Variants in PGAP4 observed in about 807,000 individuals in gnomAD.
PGAP4 encodes the protein post-GPI attachment to proteins GalNAc transferase 4.
In PGAP4, 12 loss-of-function variants were observed where a neutral mutation model predicts 28.2. The observed-to-expected ratio is 0.42, with a 90% CI of 0.27 to 0.69. The LOEUF (loss-of-function observed/expected upper bound fraction) is 0.69, where lower values mean the gene tolerates loss of function less well. PGAP4 is among the 30% of genes least tolerant of loss of function. The pLI is 0.22. For missense variants in PGAP4, 425 were observed against 513.5 expected (o/e 0.83, Z 1.67); for synonymous variants, 205 against 211.8 (o/e 0.97, Z 0.28).
rs1461110608 is a variant in PGAP4, at chr9:101,477,928, GA to G, written c.-77-760del. Among the ~76,000 whole-genome samples, 10 of 152,038 alleles carry G rather than the reference GA, an allele frequency of 6.6e-5. No homozygotes were observed. In the South Asian group the frequency reaches 1.7e-3, roughly 25 times the overall value. On this transcript the variant is annotated intron_variant, in intron 1 of 1. Coordinates refer to ENST00000374848, the MANE Select transcript of PGAP4 (RefSeq NM_032342.3). Reference sequence around the variant, plus strand: ...GCTTTTCAATGAGGGAGCGGGGGGGGAAAGGCAGAGGTGAATATGGAAGAGA... The same window carrying G: ...GCTTTTCAATGAGGGAGCGGGGGGGGAAGGCAGAGGTGAATATGGAAGAGA...
intron 2 of PGAP4, among the ~76,000 whole-genome samples, chr9:101,514,486 C>T (rs748880819): frequency 6.6e-6 from 1 of 151,866 alleles, no homozygotes; most frequent in African/African-American, 2.4e-5. Flanking sequence ...GGTCCTTTCT[C>T]TGTCTCTCAT....
At position 101,477,030 on chromosome 9, in the gene PGAP4, G is replaced by GC. The variant is rs758201070; in HGVS notation, c.62dup (p.Ser22GlnfsTer53). The GC allele has an allele frequency of 7.4e-6, 12 of 1,612,560 alleles. No individual in the cohort carries two copies. The highest frequency in any genetic ancestry group is 1.0e-5 in the Non-Finnish European group (12 of 1,179,630). On this transcript the variant is annotated frameshift_variant, in exon 2 of 2. Transcript: ENST00000374848. LOFTEE classifies it high-confidence loss of function. ...GGATGAAGAGCTGGACAGCAGTGCTGCCCCAGGAGAGTCGCCGCAGCCTCC... is the reference window on the plus strand; with the variant it reads ...GGATGAAGAGCTGGACAGCAGTGCTGCCCCCAGGAGAGTCGCCGCAGCCTCC...
At chr9:101,490,614 AGGTTCT>A (rs1826678310), upstream of PGAP4, among the ~76,000 whole-genome samples, 1 of 152,214 alleles carries the variant, frequency 6.6e-6, no homozygotes, top group Non-Finnish European at 1.5e-5. Flanking sequence ...ATGAACTTCT[AGGTTCT>A]AGATATAGTC....
intron 2 of PGAP4, among the ~76,000 whole-genome samples, chr9:101,503,961 C>T (rs1826825575): frequency 6.6e-6 from 1 of 151,936 alleles, no homozygotes; most frequent in African/African-American, 2.4e-5. Flanking sequence ...TGGATCAAAC[C>T]AAAATGTAGT....
At chr9:101,510,014 GA>G (rs1374345880) in intron 2 of PGAP4, among the ~76,000 whole-genome samples, 4 of 152,168 alleles carry the variant, frequency 2.6e-5, no homozygotes, top group Admixed American at 2.6e-4. Context: ...ACATCCTCCT[GA>G]AAAATATAGT....
intron 2 of PGAP4, among the ~76,000 whole-genome samples, chr9:101,502,263 A>G (rs1826810411): frequency 6.6e-6 from 1 of 152,086 alleles, no homozygotes; most frequent in Admixed American, 6.6e-5. Context: ...CTGAAGTGTT[A>G]TCCCAGTTTC....
At chr9:101,530,509 C>A (rs544402114) in intron 2 of PGAP4, among the ~76,000 whole-genome samples, 5 of 152,160 alleles carry the variant, frequency 3.3e-5, no homozygotes, top group Non-Finnish European at 5.9e-5. Context: ...ATTAAGTATT[C>A]TTTTTATCAT....
intron 2 of PGAP4, among the ~76,000 whole-genome samples, chr9:101,527,454 A>T (rs1268701427): frequency 6.6e-6 from 1 of 152,154 alleles, no homozygotes; most frequent in African/African-American, 2.4e-5. Flanking sequence ...GATATACTAT[A>T]TCAGTTATAT....
chr9:101,479,642 G>A (rs1042448323), intron 1 of PGAP4, among the ~76,000 whole-genome samples: 2 of 152,196 alleles, frequency 1.3e-5, no homozygotes, highest in Non-Finnish European at 2.9e-5. Flanking sequence ...GGAAAAGAGA[G>A]GGATTTGGTT....
Position 101,476,019 on chromosome 9 carries a change from C to T in PGAP4, c.1074G>A (p.Lys358=). 6.2e-7 allele frequency: 1 copy of T among 1,614,192 alleles called. No homozygotes were observed. The highest frequency in any genetic ancestry group is 8.5e-7 in the Non-Finnish European group (1 of 1,180,034). The change falls in exon 2 of 2, where the codon AAG becomes AAA. Residue 358 remains lysine, a synonymous_variant. Transcript: ENST00000374848. This position sits in a 1 kb window ranked among gnomAD's most constrained non-coding sequence, Gnocchi z 7.0. ...ACAGTGCCATGTCCTTGCCAAAGCCCTTGTGGCAGTACACTTGGGACAGGT... is the reference window on the plus strand; with the variant it reads ...ACAGTGCCATGTCCTTGCCAAAGCCTTTGTGGCAGTACACTTGGGACAGGT... ...LTYLSQVYCH[K]GFGKDMALYS... is the part of the protein sequence containing the mutation.
intron 2 of PGAP4, among the ~76,000 whole-genome samples, chr9:101,520,196 T>C (rs1826977630): frequency 6.6e-6 from 1 of 152,192 alleles, no homozygotes; most frequent in African/African-American, 2.4e-5. Flanking sequence ...CTATACAAGC[T>C]CCTTTTTGGT....
At chr9:101,514,122 A>G (rs1227900444) in intron 2 of PGAP4, among the ~76,000 whole-genome samples, 1 of 152,096 alleles carries the variant, frequency 6.6e-6, no homozygotes, top group Non-Finnish European at 1.5e-5. Flanking sequence ...ACCACTGGGA[A>G]CACCCTCACA....
chr9:101,530,174 T>C (rs936009245), intron 2 of PGAP4, among the ~76,000 whole-genome samples: 2 of 152,240 alleles, frequency 1.3e-5, no homozygotes, highest in Non-Finnish European at 2.9e-5. Context: ...GCATTAAGCC[T>C]ACCCTCAGTA....
At chr9:101,497,328 T>A (rs566015317) in intron 2 of PGAP4, among the ~76,000 whole-genome samples, 9 of 151,782 alleles carry the variant, frequency 5.9e-5, no homozygotes, top group Admixed American at 2.6e-4. Flanking sequence ...GTTACTTTTT[T>A]TGTTAACAAT....
At chr9:101,482,532 A>AT (rs953321623) in intron 1 of PGAP4, among the ~76,000 whole-genome samples, 3 of 152,202 alleles carry the variant, frequency 2.0e-5, no homozygotes, top group Admixed American at 2.0e-4. Flanking sequence ...CATCCATCTG[A>AT]TACTCTGAAG....
chr9:101,523,950 C>T (rs1004752752), intron 2 of PGAP4, among the ~76,000 whole-genome samples: 1 of 151,842 alleles, frequency 6.6e-6, no homozygotes, highest in African/African-American at 2.4e-5. Context: ...GTACTCTCCC[C>T]CTTTTCCTAT....
intron 2 of PGAP4, among the ~76,000 whole-genome samples, chr9:101,514,889 G>A (rs1175699479): frequency 6.6e-6 from 1 of 152,130 alleles, no homozygotes; most frequent in East Asian, 1.9e-4. Context: ...GATCTGTTGG[G>A]AACTCCTCAA....
chr9:101,515,072 T>C (rs1170971119), intron 2 of PGAP4, among the ~76,000 whole-genome samples: 1 of 152,200 alleles, frequency 6.6e-6, no homozygotes, highest in Non-Finnish European at 1.5e-5. Context: ...AACAAATCAC[T>C]ACAGATTCAA....
At chr9:101,528,990 C>G (rs150064710) in intron 2 of PGAP4, among the ~76,000 whole-genome samples, 5 of 152,010 alleles carry the variant, frequency 3.3e-5, no homozygotes, top group South Asian at 2.1e-4. Context: ...CTCTCTCTCT[C>G]TGTGTCCATG....
Sources: allele counts gnomAD v4.1 joint callset (sites outside exome capture counted in the v4.1 genomes callset), GRCh38; gene constraint gnomAD v4.1.1; non-coding constraint Gnocchi (gnomAD v3.1); transcripts MANE v1.5; gene names NCBI Gene and HGNC (gene_info 2026-07-23, HGNC 2026-07-21).